Variants in CRPPA observed in about 807,000 individuals in gnomAD.
The protein encoded by CRPPA is D-ribitol-5-phosphate cytidylyltransferase.
CRPPA carries 43 observed loss-of-function variants against 52.0 expected under a neutral mutation model. The observed-to-expected ratio is 0.83, with a 90% CI of 0.65 to 1.07. The LOEUF is 1.07. Among genes scored for constraint, CRPPA ranks in the 50% least tolerant of loss-of-function variants. CRPPA has a pLI of 0.00. For synonymous variants in CRPPA, 250 were observed against 203.5 expected (o/e 1.23, Z -1.94); for missense variants, 629 against 551.7 (o/e 1.14, Z -1.40).
intron 8 of CRPPA, among the ~76,000 whole-genome samples, chr7:16,236,604 A>G (rs1438205471): frequency 6.6e-6 from 1 of 152,146 alleles, no homozygotes; most frequent in Non-Finnish European, 1.5e-5. Context: ...AAAACCTGCA[A>G]AAGTAATCTA....
intron 2 of CRPPA, among the ~76,000 whole-genome samples, chr7:16,401,551 A>G (rs1345834174): frequency 3.3e-5 from 5 of 152,226 alleles, no homozygotes; most frequent in Admixed American, 3.3e-4. Flanking sequence ...TTCTTCCACC[A>G]GGAGCAATAC....
At chr7:16,219,585 A>T (rs1474372334) in intron 8 of CRPPA, among the ~76,000 whole-genome samples, 1 of 122,232 alleles carries the variant, frequency 8.2e-6, no homozygotes, top group Non-Finnish European at 1.7e-5. Flanking sequence ...AATCAAAGAG[A>T]TGCAATAAAA....
At chr7:16,313,084 C>T (rs929976339) in intron 3 of CRPPA, among the ~76,000 whole-genome samples, 2 of 151,910 alleles carry the variant, frequency 1.3e-5, no homozygotes, top group Non-Finnish European at 2.9e-5. Context: ...TCTAGCATCA[C>T]AGAATGAGTT....
intron 9 of CRPPA, among the ~76,000 whole-genome samples, chr7:16,107,122 C>G (rs145444647): frequency 2.0e-5 from 3 of 151,948 alleles, no homozygotes; most frequent in Non-Finnish European, 4.4e-5. Flanking sequence ...AATTAAGGGA[C>G]AGCAGCAAAG....
intron 1 of CRPPA, among the ~76,000 whole-genome samples, chr7:16,412,116 G>T (rs1016384046): frequency 6.6e-6 from 1 of 152,046 alleles, no homozygotes; most frequent in Non-Finnish European, 1.5e-5. Flanking sequence ...AGCCAGAGTA[G>T]ATGTAAATAA....
intron 5 of CRPPA, among the ~76,000 whole-genome samples, chr7:16,296,476 T>C (rs991333082): frequency 1.3e-5 from 2 of 152,048 alleles, no homozygotes; most frequent in East Asian, 3.9e-4. Context: ...CCTAGAAATG[T>C]TTTCTAGCAC....
chr7:16,330,831 G>C (rs1785531426), intron 3 of CRPPA, among the ~76,000 whole-genome samples: 1 of 152,110 alleles, frequency 6.6e-6, no homozygotes, highest in Non-Finnish European at 1.5e-5. Context: ...AACTGCCAAA[G>C]GTTTTATCAG....
At chr7:16,353,857 A>G (rs11509157) in intron 3 of CRPPA, among the ~76,000 whole-genome samples, 1 of 152,060 alleles carries the variant, frequency 6.6e-6, no homozygotes, top group African/African-American at 2.4e-5. Context: ...CTCACAAAAA[A>G]AAAAATAAAA....
intron 8 of CRPPA, among the ~76,000 whole-genome samples, chr7:16,243,040 T>C (rs1783168996): frequency 6.6e-6 from 1 of 152,180 alleles, no homozygotes; most frequent in South Asian, 2.1e-4. Context: ...CAAATCTCAT[T>C]TCAAATTGTA....
intron 4 of CRPPA, among the ~76,000 whole-genome samples, chr7:16,306,790 T>C (rs1262667795): frequency 2.0e-5 from 3 of 152,158 alleles, no homozygotes; most frequent in Non-Finnish European, 2.9e-5. Flanking sequence ...CTGAGCCATA[T>C]ATAGAAAAGG....
intron 8 of CRPPA, among the ~76,000 whole-genome samples, chr7:16,248,679 C>A (rs1783348518): frequency 6.6e-6 from 1 of 152,204 alleles, no homozygotes; most frequent in Non-Finnish European, 1.5e-5. Flanking sequence ...GCACTTCCAA[C>A]TGAGGTACCT....
At position 16,421,113 on chromosome 7, in the gene CRPPA, G is replaced by A. The variant is rs1788324654; in HGVS notation, c.210C>T (p.Pro70=). 1.5e-6 allele frequency: 2 copies of A among 1,313,214 alleles called. No individual in the cohort carries two copies. The highest frequency in any genetic ancestry group is 2.0e-6 in the Non-Finnish European group (2 of 1,024,182). The allele number at this position is 1,313,214 out of a possible 1,614,324, so 81.3% of individuals were successfully genotyped here. A position where few individuals can be genotyped will look rare whatever the true frequency, so the allele number is the denominator to read the frequency against. ...AGCTGATGAGCGGCCTCTCCAGGATGGGGCAGAATTGCTTCGGGGTGGGGA... is the reference window on the plus strand; with the variant it reads ...AGCTGATGAGCGGCCTCTCCAGGATAGGGCAGAATTGCTTCGGGGTGGGGA... ...MGVPTPKQFC[P]ILERPLISYT... The change falls in exon 1 of 10, where the codon CCC becomes CCT. Residue 70 remains proline (P), a synonymous_variant. Transcript: ENST00000407010.
chr7:16,308,670 A>AT, intron 3 of CRPPA, 43 bp from the exon 4 acceptor site: 1 of 1,182,494 alleles, frequency 8.5e-7, no homozygotes, highest in Non-Finnish European at 1.2e-6. Context: ...CTAAAATGCG[A>AT]TTTTAAGTAA....
chr7:16,222,512 A>G (rs999713941), intron 8 of CRPPA, among the ~76,000 whole-genome samples: 2 of 152,280 alleles, frequency 1.3e-5, no homozygotes, highest in Admixed American at 1.3e-4. Context: ...TCAAATACAT[A>G]AAGTATGTGC....
At chr7:16,142,411 T>C (rs963588561) in intron 9 of CRPPA, among the ~76,000 whole-genome samples, 2 of 152,214 alleles carry the variant, frequency 1.3e-5, no homozygotes, top group African/African-American at 4.8e-5. Context: ...CAGTTTCCTC[T>C]TTCAAGAATA....
At chr7:16,207,458 C>T (rs1430264002) in intron 9 of CRPPA, among the ~76,000 whole-genome samples, 3 of 152,128 alleles carry the variant, frequency 2.0e-5, no homozygotes, top group Non-Finnish European at 1.5e-5. Context: ...CAATGGATTC[C>T]GTTAAACACT....
chr7:16,367,978 G>A (rs976112334), intron 3 of CRPPA, among the ~76,000 whole-genome samples: 3 of 152,064 alleles, frequency 2.0e-5, no homozygotes, highest in Non-Finnish European at 4.4e-5. Context: ...TATCTTTCAT[G>A]AATTTTCATT....
chr7:16,401,444 T>G (rs1583582243), intron 2 of CRPPA, among the ~76,000 whole-genome samples: 1 of 152,172 alleles, frequency 6.6e-6, no homozygotes, highest in East Asian at 1.9e-4. Context: ...GTGAGAAGTG[T>G]GTAAGAAGTT....
At position 16,301,418 on chromosome 7, in the gene CRPPA, T is replaced by C. The variant is rs1784786909; in HGVS notation, c.835+3A>G. 1 of 1,611,720 alleles carries C rather than the reference T, an allele frequency of 6.2e-7. No individual in the cohort carries two copies. The highest frequency in any genetic ancestry group is 8.5e-7 in the Non-Finnish European group (1 of 1,178,426). On this transcript the variant is annotated splice_donor_region_variant and intron_variant, in intron 5 of 9. Transcript: ENST00000407010. ...GAACTGACAGTCATAAGGCCAAACA[T>C]ACCCTTAATAATCGATTCAGCCGCA...
Sources: allele counts gnomAD v4.1 joint callset (sites outside exome capture counted in the v4.1 genomes callset), GRCh38; gene constraint gnomAD v4.1.1; transcripts MANE v1.5; gene names NCBI Gene and HGNC (gene_info 2026-07-23, HGNC 2026-07-21).